PCDHGA12: variants seen among roughly 807,000 people sequenced by gnomAD.
The protein encoded by PCDHGA12 is protocadherin gamma subfamily A, 12, also known as protocadherin gamma-A12.
PCDHGA12 carries 43 observed loss-of-function variants against 61.1 expected under a neutral mutation model. The ratio of observed to expected loss-of-function variants is 0.70; its 90% CI spans 0.55 to 0.91. PCDHGA12 has a LOEUF of 0.91. Among genes scored for constraint, PCDHGA12 ranks in the 40% least tolerant of loss-of-function variants. PCDHGA12 has a pLI of 0.00. For missense variants in PCDHGA12, 1,236 were observed against 1,227.7 expected, an observed-to-expected ratio of 1.01 and a Z score of -0.10; for synonymous variants, 520 against 542.9, an observed-to-expected ratio of 0.96 and a Z score of 0.59.
intron 1 of PCDHGA12, among the ~76,000 whole-genome samples, chr5:141,463,844 G>A (rs545618795): frequency 1.3e-5 from 2 of 152,258 alleles, no homozygotes; most frequent in East Asian, 3.9e-4. Context: ...AGTTGTTATA[G>A]TGGTATATCT....
chr5:141,468,903 C>T (rs1265804352), intron 1 of PCDHGA12, among the ~76,000 whole-genome samples: 1 of 151,614 alleles, frequency 6.6e-6, no homozygotes, highest in Non-Finnish European at 1.5e-5. Context: ...CTAATATGAT[C>T]CAGACTAGAA....
At position 141,476,379 on chromosome 5, in the gene PCDHGA12, T is replaced by TTCA. The variant is rs768549633; in HGVS notation, c.2425-18428_2425-18427insTCA. 9 of 1,614,126 alleles carry TTCA rather than the reference T, an allele frequency of 5.6e-6. No homozygotes were observed. The East Asian group carries it at 2.0e-4, about 36-fold the overall frequency. ...AACCGGGAGACCGGAGAGATGTTTG[T>TTCA]GAACGACCGTCTGGATCGAGAGGAG... On this transcript the variant is annotated intron_variant, in intron 1 of 3. Transcript: ENST00000252085. This position sits in a 1 kb window ranked among gnomAD's most constrained non-coding sequence, Gnocchi z 7.6.
In PCDHGA12 at chr5:141,432,716, C is replaced by G. The variant is rs1417017747; in HGVS notation, c.1957C>G (p.Pro653Ala). ...GGCCGTCCAGGACCACGGCCAGCCC[C>G]CTCTCTCCGCCACTGTCACGCTCAC... Reference protein sequence around the residue: ...VVAVQDHGQPPLSATVTLTVA... With the variant: ...VVAVQDHGQPALSATVTLTVA... Residue 653 changes from proline (P) to alanine (A), a missense_variant, in exon 1 of 4, where the codon CCT (proline) becomes GCT (alanine). Physicochemically the swap from Pro to Ala is conservative, Grantham distance 27. Coordinates refer to ENST00000252085, the MANE Select transcript of PCDHGA12 (RefSeq NM_003735.3). This position sits in a 1 kb window ranked among gnomAD's most constrained non-coding sequence, Gnocchi z 6.0. 5.6e-6 allele frequency: 9 copies of G among 1,613,912 alleles called. No individual in the cohort carries two copies. Among genetic ancestry groups the G allele is most frequent in the Non-Finnish European group, 7.6e-6 (9 of 1,179,990 alleles).
At chr5:141,439,266 G>A (rs1314903524) in intron 1 of PCDHGA12, among the ~76,000 whole-genome samples, 1 of 151,952 alleles carries the variant, frequency 6.6e-6, no homozygotes, top group Non-Finnish European at 1.5e-5. Context: ...TCAGCCAACA[G>A]TTCATTCTGA....
intron 1 of PCDHGA12, among the ~76,000 whole-genome samples, chr5:141,464,286 A>AT (rs1453289283): frequency 6.6e-6 from 1 of 151,420 alleles, no homozygotes; most frequent in African/African-American, 2.4e-5. Flanking sequence ...AAGCAAAAAA[A>AT]AAAACTCCAT....
chr5:141,490,726 AATCAGG>A lies in PCDHGA12; in HGVS notation c.2425-4080_2425-4075del. The A allele has an allele frequency of 6.2e-7, 1 of 1,614,202 alleles. No homozygotes were observed. The highest frequency in any genetic ancestry group is 8.5e-7 in the Non-Finnish European group (1 of 1,180,032). On this transcript the variant is annotated intron_variant, in intron 1 of 3. Transcript: ENST00000252085. This position sits in a 1 kb window ranked among gnomAD's most constrained non-coding sequence, Gnocchi z 5.4. Reference sequence around the variant, plus strand: ...CCGCCTCACCTACTCCATTGTAGGAAATCAGGTTCAGGGAGCCCCAGCCTCCTCCTT... The same window carrying A: ...CCGCCTCACCTACTCCATTGTAGGAATTCAGGGAGCCCCAGCCTCCTCCTT...
At chr5:141,440,605 C>G (rs1214459401) in intron 1 of PCDHGA12, 1 of 152,228 alleles carries the variant, frequency 6.6e-6, no homozygotes, top group East Asian at 1.9e-4. Context: ...TGCAACAGAA[C>G]CTGCAGAAGA....
intron 1 of PCDHGA12, among the ~76,000 whole-genome samples, chr5:141,437,490 A>C (rs549866784): frequency 6.6e-6 from 1 of 152,190 alleles, no homozygotes; most frequent in African/African-American, 2.4e-5. Flanking sequence ...AATCTCGTAG[A>C]TCACTTTTCA....
intron 1 of PCDHGA12, among the ~76,000 whole-genome samples, chr5:141,434,579 A>T (rs931282309): frequency 6.6e-6 from 1 of 152,232 alleles, no homozygotes; most frequent in African/African-American, 2.4e-5. Context: ...CCTGCTGCAG[A>T]TAACTACCTC....
At chr5:141,457,167 C>T (rs1465212183) in intron 1 of PCDHGA12, among the ~76,000 whole-genome samples, 1 of 152,114 alleles carries the variant, frequency 6.6e-6, no homozygotes, top group East Asian at 1.9e-4. Context: ...CATGGATAAC[C>T]CTATTGCAAA....
intron 2 of PCDHGA12, among the ~76,000 whole-genome samples, chr5:141,500,292 T>A (rs1001226545): frequency 2.0e-5 from 3 of 151,954 alleles, no homozygotes; most frequent in Non-Finnish European, 4.4e-5. Context: ...CACTGCAAGC[T>A]CCGCCTCCCA....
intron 1 of PCDHGA12, among the ~76,000 whole-genome samples, chr5:141,480,259 G>A (rs1285833242): frequency 2.0e-5 from 3 of 151,174 alleles, no homozygotes; most frequent in African/African-American, 7.3e-5. Flanking sequence ...AAAAAAATGT[G>A]TTTTCATTAG....
At chr5:141,468,024 T>C (rs1386255481) in intron 1 of PCDHGA12, among the ~76,000 whole-genome samples, 1 of 152,046 alleles carries the variant, frequency 6.6e-6, no homozygotes, top group African/African-American at 2.4e-5. Flanking sequence ...TGAAGTAAAA[T>C]ACTTCATTTA....
intron 1 of PCDHGA12, among the ~76,000 whole-genome samples, chr5:141,462,442 A>C (rs890167032): frequency 1.3e-5 from 2 of 152,150 alleles, no homozygotes; most frequent in African/African-American, 4.8e-5. Context: ...GCTTACACAC[A>C]ACTGTGTAAC....
intron 1 of PCDHGA12, among the ~76,000 whole-genome samples, chr5:141,462,639 C>T (rs2099043867): frequency 7.2e-6 from 1 of 138,292 alleles, no homozygotes. Flanking sequence ...TTGACTCTTT[C>T]ATTTCCATCC....
chr5:141,432,087 C>G lies in PCDHGA12; in HGVS notation c.1328C>G (p.Ala443Gly). The change falls in exon 1 of 4, where the codon GCA becomes GGA. Residue 443 changes from alanine to glycine, a missense_variant. Coordinates refer to ENST00000252085, the MANE Select transcript of PCDHGA12 (RefSeq NM_003735.3). This position sits in a 1 kb window ranked among gnomAD's most constrained non-coding sequence, Gnocchi z 6.0. ...STETHISLNV[A>G]DTNDNPPVFP... ...GAAACTCATATCTCGCTGAACGTGG[C>G]AGACACCAACGACAACCCGCCGGTC... 3 of 1,614,178 alleles carry G rather than the reference C, an allele frequency of 1.9e-6. No homozygotes were observed. The highest frequency in any genetic ancestry group is 2.5e-6 in the Non-Finnish European group (3 of 1,180,042).
Position 141,430,990 on chromosome 5 carries a change from GA to G in PCDHGA12, c.233del (p.Asn78IlefsTer13), listed in dbSNP as rs1185464233. 2 of 1,613,970 alleles carry G rather than the reference GA, an allele frequency of 1.2e-6. No individual in the cohort carries two copies. Among genetic ancestry groups the G allele is most frequent in the East Asian group, 4.5e-5 (2 of 44,880 alleles). On this transcript the variant is annotated frameshift_variant, in exon 1 of 4. Transcript: ENST00000252085. LOFTEE classifies it high-confidence loss of function. ...PRGRTQLFAL[N>X]PRSGSLVTAG... ...GAGGTAGGACGCAGCTTTTCGCCCT[GA>G]ATCCGCGCAGCGGCAGCTTGGTCAC...
rs2099426122 is a variant in PCDHGA12 at position 141,477,960 on chromosome 5, A to C, written c.2425-16847A>C. On this transcript the variant is annotated intron_variant, in intron 1 of 3. Coordinates refer to ENST00000252085, the MANE Select transcript of PCDHGA12 (RefSeq NM_003735.3). This position sits in a 1 kb window ranked among gnomAD's most constrained non-coding sequence, Gnocchi z 4.9. ...TCCTACAGTCTCTTGGGATCCCCTAACCAGAGCCTTTTTGCCATAGGGCTG... is the reference window on the plus strand; with the variant it reads ...TCCTACAGTCTCTTGGGATCCCCTACCCAGAGCCTTTTTGCCATAGGGCTG... 1 of 1,613,952 alleles carries C rather than the reference A, an allele frequency of 6.2e-7. No individual in the cohort carries two copies. Among genetic ancestry groups the C allele is most frequent in the African/African-American group, 1.3e-5 (1 of 74,922 alleles).
rs1408454981 is a variant in PCDHGA12, at chr5:141,489,682, T to C, written c.2425-5125T>C. The C allele has an allele frequency of 6.2e-7, 1 of 1,614,184 alleles. No individual in the cohort carries two copies. The highest frequency in any genetic ancestry group is 8.5e-7 in the Non-Finnish European group (1 of 1,180,024). On this transcript the variant is annotated intron_variant, in intron 1 of 3. Transcript: ENST00000252085. This position sits in a 1 kb window ranked among gnomAD's most constrained non-coding sequence, Gnocchi z 4.5. ...GATGCGCATCTCAGAATCAGCAGCATCTGGGGCACGATTCCCACTGGACAG... is the reference window on the plus strand; with the variant it reads ...GATGCGCATCTCAGAATCAGCAGCACCTGGGGCACGATTCCCACTGGACAG...
Sources: gnomAD v4.1 joint callset for allele counts (sites outside exome capture counted in the v4.1 genomes callset) on GRCh38, gnomAD v4.1.1 for gene constraint, Gnocchi (gnomAD v3.1) non-coding constraint, MANE v1.5 for transcripts, NCBI Gene and HGNC (gene_info 2026-07-23, HGNC 2026-07-21) for gene names.